The following KCNH1 variants were observed in gnomAD, a reference collection of about 807,000 sequenced individuals.
KCNH1 encodes the protein potassium voltage-gated channel subfamily H member 1.
KCNH1 carries 27 observed loss-of-function variants against 69.2 expected under a neutral mutation model. That is an observed-to-expected ratio of 0.39 (90% CI 0.29 to 0.54). KCNH1 has a LOEUF of 0.54. KCNH1 is among the 20% of genes least tolerant of loss of function. The probability of loss-of-function intolerance (pLI) is 0.68; values close to 1 mark genes in which losing one functional copy is unlikely to be tolerated. For synonymous variants in KCNH1, 456 were observed against 487.7 expected (o/e 0.93, Z 0.86); for missense variants, 798 against 1,261.6 (o/e 0.63, Z 5.57).
chr1:210,820,626 T>C (rs776708067), intron 7 of KCNH1, among the ~76,000 whole-genome samples: 3 of 152,212 alleles, frequency 2.0e-5, no homozygotes, highest in African/African-American at 7.2e-5. Flanking sequence ...AGAGAGAGAC[T>C]CTGTCTCAAA....
At chr1:210,860,226 G>A in intron 7 of KCNH1, 1 of 1,455,126 alleles carries the variant, frequency 6.9e-7, no homozygotes, top group South Asian at 1.1e-5. Context: ...AGTAATCAAA[G>A]CCATCTTGCT....
chr1:210,874,871 A>C (rs556515464), intron 7 of KCNH1, among the ~76,000 whole-genome samples: 1 of 152,318 alleles, frequency 6.6e-6, no homozygotes, highest in South Asian at 2.1e-4. Context: ...CATATTTCTC[A>C]GGGTTACGTA....
chr1:211,032,425 T>C (rs914742208), intron 5 of KCNH1, among the ~76,000 whole-genome samples: 2 of 152,110 alleles, frequency 1.3e-5, no homozygotes, highest in African/African-American at 4.8e-5. Context: ...AAAGTTCATA[T>C]GGAACCAAAA....
chr1:210,959,957 T>C (rs1418099637), intron 6 of KCNH1, among the ~76,000 whole-genome samples: 1 of 152,168 alleles, frequency 6.6e-6, no homozygotes. Flanking sequence ...GGTACCTCAG[T>C]TGGAAATGCA....
chr1:211,028,729 A>G (rs143586973), intron 5 of KCNH1, among the ~76,000 whole-genome samples: 2 of 152,166 alleles, frequency 1.3e-5, no homozygotes, highest in African/African-American at 4.8e-5. Context: ...AAACTACCAC[A>G]CCAATAGCCA....
rs543937447 is a variant in KCNH1 at position 210,694,562 on chromosome 1, T to C, written c.2113-10424A>G. Among the ~76,000 whole-genome samples the C allele has an allele frequency of 5.9e-5, 9 of 152,250 alleles. No individual in the cohort carries two copies. The South Asian group carries it at 1.7e-3, about 28-fold the overall frequency. Reference sequence around the variant, plus strand: ...TGTCCCCTAGGTGGGGAAGAAACTCTCAGCCAGTGAGGGGTCTGCAGTCCA... The same window carrying C: ...TGTCCCCTAGGTGGGGAAGAAACTCCCAGCCAGTGAGGGGTCTGCAGTCCA... On this transcript the variant is annotated intron_variant, in intron 10 of 10. Coordinates refer to ENST00000271751, the MANE Select transcript of KCNH1 (RefSeq NM_172362.3).
rs1691918021 is a variant in KCNH1, at chr1:211,133,641, A to G, written c.79+226T>C. ...CGAGAGGGCGCTAGAAAGGCCCAAA[A>G]GGCGTCCCCAGAAGAGCTCTCCTGT... On this transcript the variant is annotated intron_variant, in intron 1 of 10. Coordinates refer to ENST00000271751, the MANE Select transcript of KCNH1 (RefSeq NM_172362.3). This position sits in a 1 kb window ranked among gnomAD's most constrained non-coding sequence, Gnocchi z 5.4. Among the ~76,000 whole-genome samples, 5 of 152,082 alleles carry G rather than the reference A, an allele frequency of 3.3e-5. No individual in the cohort carries two copies. The highest frequency in any genetic ancestry group is 2.6e-4 in the Admixed American group (4 of 15,282).
intron 5 of KCNH1, among the ~76,000 whole-genome samples, chr1:211,024,173 C>G (rs1439352936): frequency 6.6e-6 from 1 of 152,182 alleles, no homozygotes; most frequent in Non-Finnish European, 1.5e-5. Flanking sequence ...TGCCTGCTCT[C>G]ATGGAGCTCA....
chr1:210,863,665 C>T (rs1686031576), intron 7 of KCNH1, among the ~76,000 whole-genome samples: 1 of 152,156 alleles, frequency 6.6e-6, no homozygotes, highest in Admixed American at 6.5e-5. Flanking sequence ...GTTTCTCAAC[C>T]CTCCTCTTCA....
At chr1:211,080,521 G>C (rs948703382) in intron 5 of KCNH1, among the ~76,000 whole-genome samples, 1 of 152,134 alleles carries the variant, frequency 6.6e-6, no homozygotes, top group African/African-American at 2.4e-5. Flanking sequence ...ACAATCCTAA[G>C]CAAAAAGAAC....
intron 6 of KCNH1, among the ~76,000 whole-genome samples, chr1:210,991,088 A>G (rs1688927200): frequency 6.6e-6 from 1 of 152,190 alleles, no homozygotes. Flanking sequence ...ATGTCCCAGA[A>G]TCCCACTTCT....
chr1:211,016,106 G>A (rs756990648), intron 6 of KCNH1, among the ~76,000 whole-genome samples: 1 of 152,044 alleles, frequency 6.6e-6, no homozygotes, highest in Non-Finnish European at 1.5e-5. Flanking sequence ...CCACCATCAG[G>A]AGTATTTATA....
At chr1:211,007,646 G>A (rs924241853) in intron 6 of KCNH1, among the ~76,000 whole-genome samples, 7 of 152,240 alleles carry the variant, frequency 4.6e-5, no homozygotes, top group East Asian at 3.9e-4. Context: ...TCCTCAGCAC[G>A]TATGAGTCCT....
Position 211,071,142 on chromosome 1 carries a change from T to C in KCNH1, c.558+11638A>G, listed in dbSNP as rs1220085595. On this transcript the variant is annotated intron_variant, in intron 5 of 10. Coordinates refer to ENST00000271751, the MANE Select transcript of KCNH1 (RefSeq NM_172362.3). ...AAAATACATTCACAGTAATGTACTG[T>C]ATTTATCAATACCATAAATTTATAT... Among the ~76,000 whole-genome samples, 3 of 152,350 alleles carry C rather than the reference T, an allele frequency of 2.0e-5. No individual in the cohort carries two copies. In the East Asian group the frequency reaches 5.8e-4, roughly 29 times the overall value.
chr1:210,730,845 C>T (rs897340810), intron 10 of KCNH1, among the ~76,000 whole-genome samples: 1 of 152,190 alleles, frequency 6.6e-6, no homozygotes, highest in African/African-American at 2.4e-5. Flanking sequence ...TCATGCCCAA[C>T]CATAATCAAA....
At chr1:210,739,777 A>T (rs568780464) in intron 10 of KCNH1, among the ~76,000 whole-genome samples, 84 of 152,300 alleles carry the variant, frequency 5.5e-4, no homozygotes, top group Non-Finnish European at 1.1e-3. Context: ...GCAAGTTTAG[A>T]AGTCACCTTA....
chr1:211,107,675 A>G (rs536450794), intron 1 of KCNH1, among the ~76,000 whole-genome samples: 12 of 152,336 alleles, frequency 7.9e-5, no homozygotes, highest in African/African-American at 2.9e-4. Flanking sequence ...CCCATGAGAC[A>G]TATTTAAGTC....
intron 6 of KCNH1, among the ~76,000 whole-genome samples, chr1:210,993,728 C>G (rs1033374069): frequency 6.6e-6 from 1 of 152,098 alleles, no homozygotes; most frequent in African/African-American, 2.4e-5. Context: ...TCCAAAGAAA[C>G]CAGAATTATC....
intron 10 of KCNH1, among the ~76,000 whole-genome samples, chr1:210,738,978 G>C (rs763712758): frequency 5.2e-4 from 79 of 152,140 alleles, no homozygotes; most frequent in Middle Eastern, 3.4e-3. Context: ...GTCACTTTCT[G>C]GTGCTTAAAA....
Sources: allele counts gnomAD v4.1 joint callset (sites outside exome capture counted in the v4.1 genomes callset), GRCh38; gene constraint gnomAD v4.1.1; non-coding constraint Gnocchi (gnomAD v3.1); transcripts MANE v1.5; gene names NCBI Gene and HGNC (gene_info 2026-07-23, HGNC 2026-07-21).